The following AMOT variants were observed in gnomAD, a reference collection of about 807,000 sequenced individuals.
AMOT encodes angiomotin.
A neutral mutation model predicts 67.0 loss-of-function variants in AMOT; 11 were observed. The ratio of observed to expected loss-of-function variants is 0.16; its 90% confidence interval spans 0.10 to 0.27. The LOEUF (loss-of-function observed/expected upper bound fraction) is 0.27, where lower values mean the gene tolerates loss of function less well. Ranked by LOEUF, AMOT falls within the 10% of genes least tolerant of loss-of-function variation. The pLI is 1.00. For synonymous variants in AMOT, 326 were observed against 321.4 expected (o/e 1.01, Z -0.15); for missense variants, 753 against 852.0 (o/e 0.88, Z 1.45).
At position 112,779,031 on chromosome X, in the gene AMOT, A is replaced by G; in HGVS notation, c.3123T>C (p.Ser1041=). The change falls in exon 13 of 14, where the codon TCT becomes TCC. Residue 1041 remains serine (S), a synonymous_variant. Coordinates refer to ENST00000371959, the MANE Select transcript of AMOT (RefSeq NM_001113490.2). The part of the protein sequence containing the change: ...PATGPGPHRL[S]IPSLTCNPDK... ...CTGGATTGCAGGTCAAACTTGGTATAGACAAACGATGTGGTCCAGGACCGG... is the reference window on the plus strand; with the variant it reads ...CTGGATTGCAGGTCAAACTTGGTATGGACAAACGATGTGGTCCAGGACCGG... The G allele has an allele frequency of 3.3e-6, 4 of 1,211,581 alleles. No individual in the cohort carries two copies. The highest frequency in any genetic ancestry group is 4.5e-6 in the Non-Finnish European group (4 of 895,339).
At chrX:112,779,719 G>A (rs1933075007) in intron 12 of AMOT, 39 bp from the exon 13 acceptor site, 1 of 1,034,008 alleles carries the variant, frequency 9.7e-7, no homozygotes, top group Non-Finnish European at 1.3e-6. Context: ...AAAACAATAG[G>A]TGATTCAAAT....
chrX:112,802,375 G>A (rs10126779), intron 8 of AMOT, among the ~76,000 whole-genome samples: 140 of 112,421 alleles, frequency 1.2e-3, no homozygotes, highest in African/African-American at 4.3e-3. Flanking sequence ...GACAAACAGC[G>A]CCCAGGAGCA....
chrX:112,786,263 C>T (rs933915162), intron 10 of AMOT, among the ~76,000 whole-genome samples: 2 of 112,001 alleles, frequency 1.8e-5, no homozygotes, highest in Non-Finnish European at 3.8e-5. Flanking sequence ...TTCTTTACTT[C>T]CTCCTTTCCA....
Position 112,777,718 on chromosome X carries a change from A to C in AMOT, c.*849T>G, listed in dbSNP as rs1932973587. Reference sequence around the variant, plus strand: ...GCAAGCAAGCTGTGTTCATGGCTACACACAAACCATGGAAGTCTGCATATA... The same window carrying C: ...GCAAGCAAGCTGTGTTCATGGCTACCCACAAACCATGGAAGTCTGCATATA... On this transcript the variant is annotated 3_prime_UTR_variant, in exon 14 of 14. Coordinates refer to ENST00000371959, the MANE Select transcript of AMOT (RefSeq NM_001113490.2). The C allele has an allele frequency of 8.9e-6, 1 of 111,954 alleles. No homozygotes were observed. The highest frequency in any genetic ancestry group is 3.3e-5 in the African/African-American group (1 of 30,758). The allele number at this position is 111,954 out of a possible 1,213,427, so 9.2% of individuals were successfully genotyped here.
chrX:112,796,566 T>C (rs1215921857), intron 8 of AMOT, among the ~76,000 whole-genome samples: 1 of 112,104 alleles, frequency 8.9e-6, no homozygotes, highest in African/African-American at 3.2e-5. Context: ...TTCAAGAAGT[T>C]GTCAAATCCT....
At position 112,811,402 on chromosome X, in the gene AMOT, C is replaced by CA. The variant is rs767925751; in HGVS notation, c.1393-10dup. On this transcript the variant is annotated splice_polypyrimidine_tract_variant and intron_variant, in intron 5 of 13. Coordinates refer to ENST00000371959, the MANE Select transcript of AMOT (RefSeq NM_001113490.2). ...TGGATTTCTGTCTCCACCTTAACAA[C>CA]AAAAAAAGACAATGGTGGTGATGGT... 2 of 1,195,807 alleles carry CA rather than the reference C, an allele frequency of 1.7e-6. No homozygotes were observed. Among genetic ancestry groups the CA allele is most frequent in the South Asian group, 1.8e-5 (1 of 54,422 alleles).
Position 112,840,459 on chromosome X carries a change from G to A in AMOT, c.-296C>T, listed in dbSNP as rs1289632158. On this transcript the variant is annotated 5_prime_UTR_variant, in exon 1 of 14. Transcript: ENST00000371959. The stretch of plus-strand genomic sequence containing the variant: ...TAACCACGCGTCTCCTACCCCTGAA[G>A]GCAAAGAAGACAAGGTGACGACTCT... 8.9e-6 allele frequency: 1 copy of A among 112,772 alleles called. No homozygotes were observed. The highest frequency in any genetic ancestry group is 1.9e-5 in the Non-Finnish European group (1 of 53,354). 9.3% of individuals were successfully genotyped at this position (112,772 alleles called of 1,213,427 possible).
At chrX:112,806,342 A>T (rs1407199174) in intron 7 of AMOT, among the ~76,000 whole-genome samples, 1 of 97,952 alleles carries the variant, frequency 1.0e-5, no homozygotes, top group Non-Finnish European at 2.0e-5. Flanking sequence ...ATATGTATAT[A>T]TACATATGTA....
At chrX:112,791,793 T>C in intron 9 of AMOT, 39 bp downstream of exon 9, 2 of 1,197,848 alleles carry the variant, frequency 1.7e-6, no homozygotes, top group Non-Finnish European at 2.3e-6. Context: ...TGTCATTTTC[T>C]TACTTTTTTT....
In AMOT at chrX:112,778,676, T is replaced by C; in HGVS notation, c.3158-12A>G. ...GAACACAGGCCCATCTAAATGGAAA[T>C]AAGGGTTAGAAAACACTTAGGGATG... On this transcript the variant is annotated splice_polypyrimidine_tract_variant and intron_variant, in intron 13 of 13. Transcript: ENST00000371959. 1 of 1,173,777 alleles carries C rather than the reference T, an allele frequency of 8.5e-7. No homozygotes were observed. The highest frequency in any genetic ancestry group is 1.2e-6 in the Non-Finnish European group (1 of 866,959).
intron 10 of AMOT, among the ~76,000 whole-genome samples, chrX:112,789,096 C>A (rs925972019): frequency 8.9e-6 from 1 of 111,867 alleles, no homozygotes; most frequent in African/African-American, 3.2e-5. Context: ...TCTCACACTG[C>A]ACACTCTCGT....
chrX:112,816,895 C>T (rs1461142846), intron 4 of AMOT, among the ~76,000 whole-genome samples: 2 of 111,946 alleles, frequency 1.8e-5, no homozygotes, highest in African/African-American at 6.5e-5. Context: ...AATGCTAACA[C>T]CTAAGTATAA....
intron 7 of AMOT, among the ~76,000 whole-genome samples, chrX:112,807,031 TAACCAGA>T (rs1254198310): frequency 4.5e-5 from 5 of 111,769 alleles, no homozygotes; most frequent in Non-Finnish European, 9.4e-5. Context: ...AGAAACTATT[TAACCAGA>T]ACCTAATCTA....
Position 112,823,020 on chromosome X carries a change from G to T in AMOT, c.107C>A (p.Ala36Asp). ...ATTCCCTGTGGCTTGCTGGTGTATG[G>T]CAAGCAGGCTGCGATTCTCACTAGG... is the stretch of plus-strand genomic sequence containing the variant. ...GNPSENRSLL[A>D]IHQQATGNGP... The change falls in exon 4 of 14, where the codon GCC becomes GAC. Residue 36 changes from alanine to aspartate, a missense_variant. Transcript: ENST00000371959. The T allele has an allele frequency of 8.6e-7, 1 of 1,167,593 alleles. No homozygotes were observed. The highest frequency in any genetic ancestry group is 1.1e-6 in the Non-Finnish European group (1 of 873,047).
At chrX:112,826,190 A>C (rs1407288797) in intron 2 of AMOT, among the ~76,000 whole-genome samples, 1 of 111,743 alleles carries the variant, frequency 8.9e-6, no homozygotes, top group African/African-American at 3.3e-5. Flanking sequence ...CCTATCTTCT[A>C]TCCTGGCCTA....
chrX:112,825,919 C>T (rs1444227468), intron 2 of AMOT, among the ~76,000 whole-genome samples: 2 of 108,793 alleles, frequency 1.8e-5, no homozygotes, highest in African/African-American at 6.7e-5. Flanking sequence ...AAGTAGACTG[C>T]CCTTCCCAAC....
In AMOT at chrX:112,822,783, T is replaced by C; in HGVS notation, c.344A>G (p.Gln115Arg). 8.6e-7 allele frequency: 1 copy of C among 1,167,652 alleles called. No individual in the cohort carries two copies. The highest frequency in any genetic ancestry group is 1.1e-6 in the Non-Finnish European group (1 of 873,075). ...CTGTTGGCCCCGAAAGTACTGGGAC[T>C]GGACCTTGGCTTCTTCATAGGTCGG... ...ELPTYEEAKVQSQYFRGQQHA... is the reference protein window; with the variant it reads ...ELPTYEEAKVRSQYFRGQQHA... The change falls in exon 4 of 14, where the codon CAG becomes CGG. Residue 115 changes from glutamine to arginine, a missense_variant. By Grantham distance (43) the Gln-to-Arg change is conservative. Around this residue, in one of 5 missense-constraint regions of AMOT, gnomAD observed 118 missense variants for 125.9 expected, o/e 0.94. Transcript: ENST00000371959.
Position 112,780,758 on chromosome X carries a change from A to C in AMOT, c.2473+128T>G, listed in dbSNP as rs187259903. 2.5e-4 allele frequency: 173 copies of C among 692,646 alleles called. 2 individuals carry two copies. The highest frequency in any genetic ancestry group is 2.2e-3 in the Admixed American group (59 of 26,660). The allele number at this position is 692,646 out of a possible 1,213,427, so 57.1% of individuals were successfully genotyped here. A position where few individuals can be genotyped will look rare whatever the true frequency, so the allele number is the denominator to read the frequency against. On this transcript the variant is annotated intron_variant, in intron 12 of 13. Coordinates refer to ENST00000371959, the MANE Select transcript of AMOT (RefSeq NM_001113490.2). ...ACTAGGGTCTCAGGAGGAAAAAAAA[A>C]CTCCAAAACCCTGGTACACCTTCCT...
chrX:112,816,449 T>G (rs757396063), intron 4 of AMOT, among the ~76,000 whole-genome samples: 1 of 111,904 alleles, frequency 8.9e-6, no homozygotes, highest in East Asian at 2.8e-4. Flanking sequence ...TAGATACTTA[T>G]ATTAGAGACA....
Sources: allele counts gnomAD v4.1 joint callset (sites outside exome capture counted in the v4.1 genomes callset), GRCh38; gene constraint gnomAD v4.1.1; regional missense constraint gnomAD v4.1.1; transcripts MANE v1.5; gene names NCBI Gene and HGNC (gene_info 2026-07-23, HGNC 2026-07-21).